PLIN2: variants seen among roughly 807,000 people sequenced by gnomAD.
PLIN2 encodes the protein perilipin-2.
Under a neutral mutation model 30.6 loss-of-function variants are expected in PLIN2, and 33 were observed. That is an observed-to-expected ratio of 1.08 (90% CI 0.82 to 1.44). The LOEUF (loss-of-function observed/expected upper bound fraction) is 1.44, where lower values mean the gene tolerates loss of function less well. PLIN2 is among the 40% of genes most tolerant of loss of function. The pLI, the probability that PLIN2 is intolerant of heterozygous loss-of-function variation, is 0.00. For synonymous variants in PLIN2, 205 were observed against 201.1 expected (o/e 1.02, Z -0.16); for missense variants, 610 against 531.8 (o/e 1.15, Z -1.45).
chr9:19,116,551 C>T lies in PLIN2; in HGVS notation c.1011G>A (p.Gln337=). The change falls in exon 8 of 8, where the codon CAG becomes CAA. Residue 337 remains glutamine (Q), a synonymous_variant. Coordinates refer to ENST00000276914, the MANE Select transcript of PLIN2 (RefSeq NM_001122.4). ...TGTGCTTGGCTTGATCTTGGATGTT[C>T]TGTGGTACACCTTGGATGTTGGACA... ...TLLSNIQGVP[Q]NIQDQAKHMG... 1 of 1,614,122 alleles carries T rather than the reference C, an allele frequency of 6.2e-7. No individual in the cohort carries two copies. Among genetic ancestry groups the T allele is most frequent in the East Asian group, 2.2e-5 (1 of 44,882 alleles).
At chr9:19,111,278 G>C (rs929930027), downstream of PLIN2, among the ~76,000 whole-genome samples, 1 of 151,906 alleles carries the variant, frequency 6.6e-6, no homozygotes, top group African/African-American at 2.4e-5. Context: ...TGAACTCCTG[G>C]CCTCAAGTGA....
Position 19,116,333 on chromosome 9 carries a change from G to C in PLIN2, c.1229C>G (p.Thr410Ser), listed in dbSNP as rs55909377. The C allele has an allele frequency of 1.2e-6, 2 of 1,613,920 alleles. No individual in the cohort carries two copies. Among genetic ancestry groups the C allele is most frequent in the Non-Finnish European group, 1.7e-6 (2 of 1,179,986 alleles). The change falls in exon 8 of 8, where the codon ACT (threonine) becomes AGT (serine). Residue 410 changes from threonine (T) to serine (S), a missense_variant. Physicochemically the swap from Thr to Ser is moderately conservative, Grantham distance 58. Coordinates refer to ENST00000276914, the MANE Select transcript of PLIN2 (RefSeq NM_001122.4). ...TTGGTCCTGAGCATTCTGAGACTCAGTCAGCTGAGGATAAAAGGGACCTAC... is the reference window on the plus strand; with the variant it reads ...TTGGTCCTGAGCATTCTGAGACTCACTCAGCTGAGGATAAAAGGGACCTAC... The part of the protein sequence containing the change: ...WLVGPFYPQL[T>S]ESQNAQDQGA...
intron 1 of PLIN2, among the ~76,000 whole-genome samples, chr9:19,126,679 GCAATACTCA>G (rs1818405981): frequency 1.3e-5 from 2 of 152,282 alleles, no homozygotes; most frequent in South Asian, 4.1e-4. Flanking sequence ...GTGTAAACTT[GCAATACTCA>G]GGAGGGAGAA....
chr9:19,126,334 GCTTATTAATCT>G, intron 2 of PLIN2, 25 bp from the exon 3 acceptor site: 1 of 1,613,410 alleles, frequency 6.2e-7, no homozygotes, highest in Non-Finnish European at 8.5e-7. Context: ...GGGAGGGTAT[GCTTATTAATCT>G]CTCAAAACAC....
intron 4 of PLIN2, among the ~76,000 whole-genome samples, chr9:19,121,389 A>G (rs1818313008): frequency 6.6e-6 from 1 of 151,832 alleles, no homozygotes; most frequent in South Asian, 2.1e-4. Context: ...GGAGGAGCAA[A>G]TGAAGTAAAC....
intron 2 of PLIN2, among the ~76,000 whole-genome samples, chr9:19,109,415 G>A (rs996524055): frequency 5.3e-5 from 8 of 151,690 alleles, no homozygotes; most frequent in South Asian, 2.1e-4. Flanking sequence ...TTAGCCAGGC[G>A]TGGTGGCATG....
intron 7 of PLIN2, among the ~76,000 whole-genome samples, chr9:19,117,294 A>G (rs1245252770): frequency 6.6e-6 from 1 of 151,880 alleles, no homozygotes; most frequent in Non-Finnish European, 1.5e-5. Flanking sequence ...TCGAGCAACT[A>G]GGACTACAGG....
rs756635230 is a variant in PLIN2, at chr9:19,118,449, A to G, written c.784T>C (p.Phe262Leu). 1.2e-5 allele frequency: 19 copies of G among 1,613,200 alleles called. No homozygotes were observed. The highest frequency in any genetic ancestry group is 1.6e-5 in the Non-Finnish European group (19 of 1,179,834). ...QLHSTVHLIE[F>L]ARKNVYSANQ... is the part of the protein sequence containing the mutation. Reference sequence around the variant, plus strand: ...GCACTATACACATTCTTCCTGGCAAATTCAATCTAGACACATTGAAACAAG... The same window carrying G: ...GCACTATACACATTCTTCCTGGCAAGTTCAATCTAGACACATTGAAACAAG... Residue 262 changes from phenylalanine (F) to leucine (L), a missense_variant, in exon 7 of 8, where the codon TTT becomes CTT. Coordinates refer to ENST00000276914, the MANE Select transcript of PLIN2 (RefSeq NM_001122.4).
downstream of PLIN2, among the ~76,000 whole-genome samples, chr9:19,113,504 C>G (rs545812264): frequency 2.3e-3 from 352 of 152,172 alleles, no homozygotes; most frequent in South Asian, 0.023. Flanking sequence ...TTCCCACCTA[C>G]TCTCCAACTC....
intron 4 of PLIN2, among the ~76,000 whole-genome samples, chr9:19,121,619 G>A (rs757976201): frequency 1.3e-5 from 2 of 152,036 alleles, no homozygotes; most frequent in Non-Finnish European, 2.9e-5. Flanking sequence ...CCTGGCCCTC[G>A]GGGTGTTATT....
rs192568448 is a variant in PLIN2, at chr9:19,123,470, T to G, written c.309+95A>C. On this transcript the variant is annotated intron_variant, in intron 4 of 7. Transcript: ENST00000276914. ...TCCAGATCCAGGTTGGGAAAACAAGTATTTGCCTGTTTGTGATATGTACAG... is the reference window on the plus strand; with the variant it reads ...TCCAGATCCAGGTTGGGAAAACAAGGATTTGCCTGTTTGTGATATGTACAG... The G allele has an allele frequency of 7.4e-5, 117 of 1,591,812 alleles. No homozygotes were observed. The African/African-American group carries it at 1.2e-3, about 17-fold the overall frequency.
intron 3 of PLIN2, 29 bp from the exon 4 acceptor site, chr9:19,123,676 G>T: frequency 6.4e-7 from 1 of 1,567,338 alleles, no homozygotes; most frequent in East Asian, 2.2e-5. Context: ...AAATGTTAAT[G>T]TAGTACTATA....
intron 7 of PLIN2, among the ~76,000 whole-genome samples, chr9:19,118,076 C>G (rs1208818060): frequency 6.6e-6 from 1 of 152,192 alleles, no homozygotes; most frequent in African/African-American, 2.4e-5. Flanking sequence ...ATTATGAGGG[C>G]AAGGCCTGTG....
intron 7 of PLIN2, 67 bp downstream of exon 7, chr9:19,118,254 A>C: frequency 6.9e-7 from 1 of 1,442,332 alleles, no homozygotes. Context: ...AGTATGGAAA[A>C]ATTGAAATGA....
In PLIN2 at chr9:19,123,603, C is replaced by T; in HGVS notation, c.271G>A (p.Glu91Lys). ...TGATTCAGAATAGGCAGTCTCTCCT[C>T]AATCCTGTCTAGCCCCTTACAGGCA... The part of the protein sequence containing the change: ...TYACKGLDRI[E>K]ERLPILNQPS... Residue 91 changes from glutamate (E) to lysine (K), a missense_variant, in exon 4 of 8, where the codon GAG (glutamate) becomes AAG (lysine). Transcript: ENST00000276914. 2 of 1,614,182 alleles carry T rather than the reference C, an allele frequency of 1.2e-6. No homozygotes were observed. The highest frequency in any genetic ancestry group is 1.7e-6 in the Non-Finnish European group (2 of 1,180,022).
rs1455147748 is a variant in PLIN2, at chr9:19,126,184, G to A, written c.156C>T (p.Asn52=). The change falls in exon 3 of 8, where the codon AAC becomes AAT. Residue 52 remains asparagine (N), a synonymous_variant. Coordinates refer to ENST00000276914, the MANE Select transcript of PLIN2 (RefSeq NM_001122.4). ...YLKSVCEMAE[N]GVKTITSVAM... is the part of the protein sequence containing the mutation. ...CCACGGAGGTGATGGTCTTCACACC[G>A]TTCTCTGCCATCTCACACACAGACT... 1.4e-5 allele frequency: 22 copies of A among 1,613,954 alleles called. No individual in the cohort carries two copies. Among genetic ancestry groups the A allele is most frequent in the Admixed American group, 1.7e-5 (1 of 59,986 alleles).
At chr9:19,118,548 A>C (rs1564029989) in intron 6 of PLIN2, 93 bp from the exon 7 acceptor site, 3 of 1,140,034 alleles carry the variant, frequency 2.6e-6, no homozygotes, top group Non-Finnish European at 3.7e-6. Context: ...GCAACATAAA[A>C]ACTAAGAATT....
intron 1 of PLIN2, among the ~76,000 whole-genome samples, chr9:19,126,680 C>G (rs553851261): frequency 1.3e-5 from 2 of 152,184 alleles, no homozygotes; most frequent in Non-Finnish European, 2.9e-5. Flanking sequence ...TGTAAACTTG[C>G]AATACTCAGG....
intron 3 of PLIN2, chr9:19,125,814 TC>T (rs1412520233): frequency 4.2e-6 from 1 of 238,438 alleles, no homozygotes; most frequent in African/African-American, 2.3e-5. Context: ...TCCCAGCTAC[TC>T]GGGAGGCTGA....
Sources: gnomAD v4.1 joint callset for allele counts (sites outside exome capture counted in the v4.1 genomes callset) on GRCh38, gnomAD v4.1.1 for gene constraint, MANE v1.5 for transcripts, NCBI Gene and HGNC (gene_info 2026-07-23, HGNC 2026-07-21) for gene names.